The following CEP170 variants were observed in gnomAD, a reference collection of about 807,000 sequenced individuals.
CEP170 encodes centrosomal protein 170.
CEP170 carries 21 observed loss-of-function variants against 151.9 expected under a neutral mutation model. That is an observed-to-expected ratio of 0.14 (90% CI 0.10 to 0.20). The LOEUF is 0.20. Among genes scored for constraint, CEP170 ranks in the 10% least tolerant of loss-of-function variants. The pLI is 1.00. For synonymous variants in CEP170, 356 were observed against 648.8 expected (o/e 0.55, Z 6.86); for missense variants, 964 against 1,892.9 (o/e 0.51, Z 9.11).
At chr1:243,234,056 CT>C (rs967443516) in intron 1 of CEP170, among the ~76,000 whole-genome samples, 26 of 152,228 alleles carry the variant, frequency 1.7e-4, no homozygotes, top group African/African-American at 6.0e-4. Flanking sequence ...GCAGTCTATC[CT>C]TATGGTCTGG....
In CEP170 at chr1:243,170,600, C is replaced by A. The variant is rs573804721; in HGVS notation, c.1717-846G>T. 2.1e-4 allele frequency among the ~76,000 whole-genome samples: 32 copies of A among 152,240 alleles called. No individual in the cohort carries two copies. In the South Asian group the frequency reaches 6.4e-3, roughly 31 times the overall value. On this transcript the variant is annotated intron_variant, in intron 11 of 19. Coordinates refer to ENST00000366542, the MANE Select transcript of CEP170 (RefSeq NM_014812.3). ...CCTGAGGTCAGGAGTTCGAGACCAG[C>A]CTGGCCAACATGGCGAAACCTCGTC...
intron 1 of CEP170, among the ~76,000 whole-genome samples, chr1:243,239,050 A>C: frequency 6.6e-6 from 1 of 152,226 alleles, no homozygotes; most frequent in East Asian, 1.9e-4. Flanking sequence ...TGGGCTTCCA[A>C]TATTGCTTAT....
chr1:243,179,797 G>A (rs1199193105), intron 10 of CEP170, among the ~76,000 whole-genome samples: 3 of 152,144 alleles, frequency 2.0e-5, no homozygotes, highest in Admixed American at 6.5e-5. Flanking sequence ...CAAGGGATAC[G>A]ATGTGAACAA....
At chr1:243,195,206 G>A (rs1282761805) in intron 7 of CEP170, among the ~76,000 whole-genome samples, 3 of 151,316 alleles carry the variant, frequency 2.0e-5, no homozygotes, top group African/African-American at 2.4e-5. Flanking sequence ...ATTTAGTTTC[G>A]CTGGATTAAA....
At chr1:243,141,010 C>G (rs1343493896) in intron 15 of CEP170, among the ~76,000 whole-genome samples, 3 of 152,106 alleles carry the variant, frequency 2.0e-5, no homozygotes, top group Non-Finnish European at 4.4e-5. Flanking sequence ...TAACAAAACT[C>G]TACACAGATT....
chr1:243,182,016 GAC>G (rs1395441334), intron 10 of CEP170, among the ~76,000 whole-genome samples: 2 of 152,142 alleles, frequency 1.3e-5, no homozygotes, highest in Non-Finnish European at 2.9e-5. Context: ...TTGCCAGTGT[GAC>G]AGTGTTGGGA....
chr1:243,211,788 A>G (rs914927890), intron 4 of CEP170, 98 bp downstream of exon 4: 9 of 1,359,554 alleles, frequency 6.6e-6, no homozygotes, highest in Admixed American at 4.2e-5. Flanking sequence ...AAATTCTGGC[A>G]TATCTATATT....
At chr1:243,168,170 T>C (rs1350994164) in intron 12 of CEP170, 6 of 152,008 alleles carry the variant, frequency 3.9e-5, no homozygotes, top group Non-Finnish European at 8.8e-5. Flanking sequence ...AAAAGAATTT[T>C]TGGTCATACT....
At chr1:243,226,347 CAA>C (rs1429111731) in intron 1 of CEP170, among the ~76,000 whole-genome samples, 1 of 151,110 alleles carries the variant, frequency 6.6e-6, no homozygotes, top group Non-Finnish European at 1.5e-5. Flanking sequence ...ATTTCTATAA[CAA>C]AGTAACCATA....
intron 3 of CEP170, among the ~76,000 whole-genome samples, chr1:243,218,476 G>A (rs368609629): frequency 2.6e-5 from 4 of 152,178 alleles, no homozygotes; most frequent in Admixed American, 6.5e-5. Flanking sequence ...TATCAGCAAC[G>A]GAACCGACTG....
chr1:243,204,721 T>C (rs1275738786), intron 4 of CEP170, among the ~76,000 whole-genome samples: 5 of 152,178 alleles, frequency 3.3e-5, no homozygotes, highest in Admixed American at 6.5e-5. Flanking sequence ...TATCAATCTA[T>C]ATTCATTCCC....
chr1:243,134,721 T>C (rs2054835633), intron 17 of CEP170, among the ~76,000 whole-genome samples: 1 of 151,482 alleles, frequency 6.6e-6, no homozygotes, highest in South Asian at 2.1e-4. Context: ...CTTCAAGTCC[T>C]AGGCTCAAAT....
chr1:243,178,800 C>T (rs1280001545), intron 10 of CEP170, among the ~76,000 whole-genome samples: 1 of 151,790 alleles, frequency 6.6e-6, no homozygotes, highest in Non-Finnish European at 1.5e-5. Flanking sequence ...CTCACTGCAA[C>T]CTCCGCCTCC....
chr1:243,218,298 G>A (rs556244027), intron 3 of CEP170, among the ~76,000 whole-genome samples: 160 of 152,242 alleles, frequency 1.1e-3, no homozygotes, highest in Non-Finnish European at 2.0e-3. Context: ...GGGCAGTCCA[G>A]TAACAAATGG....
At chr1:243,207,876 T>C (rs879698743) in intron 4 of CEP170, among the ~76,000 whole-genome samples, 40 of 151,262 alleles carry the variant, frequency 2.6e-4, no homozygotes, top group Admixed American at 5.3e-4. Flanking sequence ...AAGAAAGGTC[T>C]CAACTGAATG....
chr1:243,171,126 T>C (rs897872044), intron 11 of CEP170, among the ~76,000 whole-genome samples: 1 of 152,228 alleles, frequency 6.6e-6, no homozygotes, highest in Non-Finnish European at 1.5e-5. Flanking sequence ...AGAGAGTCTA[T>C]TTAAATTCAC....
chr1:243,203,386 T>C (rs1016285882), intron 4 of CEP170, among the ~76,000 whole-genome samples: 1 of 152,236 alleles, frequency 6.6e-6, no homozygotes, highest in African/African-American at 2.4e-5. Context: ...AGTCAATTTA[T>C]TCAAGAAATG....
At chr1:243,253,583 T>A (rs1398600558) in intron 1 of CEP170, among the ~76,000 whole-genome samples, 1 of 152,186 alleles carries the variant, frequency 6.6e-6, no homozygotes, top group Non-Finnish European at 1.5e-5. Flanking sequence ...GAAAAATACA[T>A]AAGTTGCTAT....
At position 243,126,301 on chromosome 1, in the gene CEP170, G is replaced by A. The variant is rs536513084; in HGVS notation, c.*148C>T. ...AAAGGATTGATATACTACATTATACGTCAAAAATAAATAAATAAAATTAAG... is the reference window on the plus strand; with the variant it reads ...AAAGGATTGATATACTACATTATACATCAAAAATAAATAAATAAAATTAAG... On this transcript the variant is annotated 3_prime_UTR_variant, in exon 20 of 20. Transcript: ENST00000366542. 79 of 853,748 alleles carry A rather than the reference G, an allele frequency of 9.3e-5. No individual in the cohort carries two copies. The African/African-American group carries it at 9.8e-4, about 11-fold the overall frequency. 52.9% of individuals were successfully genotyped at this position (853,748 alleles called of 1,614,324 possible). A position where few individuals can be genotyped will look rare whatever the true frequency, so the allele number is the denominator to read the frequency against.
Sources: gnomAD v4.1 joint callset for allele counts (sites outside exome capture counted in the v4.1 genomes callset) on GRCh38, gnomAD v4.1.1 for gene constraint, MANE v1.5 for transcripts, NCBI Gene and HGNC (gene_info 2026-07-23, HGNC 2026-07-21) for gene names.